Variants in CFAP90 observed in about 807,000 individuals in gnomAD.
CFAP90 encodes the protein cilia- and flagella-associated protein 90.
chr5:7,847,967 A>G, the CFAP90 span, among the ~76,000 whole-genome samples: 3 of 152,142 alleles, frequency 2.0e-5, no homozygotes, highest in Non-Finnish European at 4.4e-5. Flanking sequence ...AGCCAGATGA[A>G]TTTTATTTCC....
chr5:7,841,060 T>G, the CFAP90 span, among the ~76,000 whole-genome samples: 1 of 151,944 alleles, frequency 6.6e-6, no homozygotes, highest in Non-Finnish European at 1.5e-5. Context: ...ACAGACAACC[T>G]ACAGAATGGG....
the CFAP90 span, chr5:7,830,526 C>T: frequency 6.6e-6 from 1 of 151,728 alleles, no homozygotes; most frequent in African/African-American, 2.4e-5. Context: ...TATAATGCAC[C>T]CAAAGGCATT....
At chr5:7,843,368 G>T in the CFAP90 span, among the ~76,000 whole-genome samples, 7 of 152,100 alleles carry the variant, frequency 4.6e-5, no homozygotes, top group South Asian at 2.1e-4. Context: ...TTGGGTTTTT[G>T]ATTTTTCCTG....
At chr5:7,841,574 C>G in the CFAP90 span, among the ~76,000 whole-genome samples, 1 of 152,118 alleles carries the variant, frequency 6.6e-6, no homozygotes, top group Non-Finnish European at 1.5e-5. Context: ...TGGAGTCAAC[C>G]TAAATGCCCA....
the CFAP90 span, among the ~76,000 whole-genome samples, chr5:7,836,793 G>T: frequency 6.6e-6 from 1 of 152,138 alleles, no homozygotes; most frequent in African/African-American, 2.4e-5. Flanking sequence ...CTTCCTTGGT[G>T]AGTCTAGACT....
the CFAP90 span, among the ~76,000 whole-genome samples, chr5:7,848,419 G>A: frequency 1.3e-5 from 2 of 152,168 alleles, no homozygotes; most frequent in African/African-American, 4.8e-5. Flanking sequence ...TGAGGTTTAT[G>A]GCTGCCGTAT....
chr5:7,842,443 C>T, the CFAP90 span, among the ~76,000 whole-genome samples: 1 of 151,772 alleles, frequency 6.6e-6, no homozygotes, highest in Non-Finnish European at 1.5e-5. Flanking sequence ...CAGTTTGCCC[C>T]ACAAGTAGGC....
the CFAP90 span, chr5:7,851,021 T>C: frequency 8.0e-7 from 1 of 1,253,796 alleles, no homozygotes; most frequent in Non-Finnish European, 1.0e-6. Context: ...TCGTCCTCCA[T>C]GCCGCCACCG....
chr5:7,840,923 C>T, the CFAP90 span, among the ~76,000 whole-genome samples: 1 of 152,144 alleles, frequency 6.6e-6, no homozygotes, highest in Non-Finnish European at 1.5e-5. Context: ...AGGCCTGGAA[C>T]AGAGCCTTCC....
At chr5:7,836,179 G>A in the CFAP90 span, among the ~76,000 whole-genome samples, 1 of 152,196 alleles carries the variant, frequency 6.6e-6, no homozygotes. Flanking sequence ...AATTTGGGGA[G>A]ACACAAACAT....
chr5:7,831,791 C>T, the CFAP90 span: 1 of 1,526,270 alleles, frequency 6.6e-7, no homozygotes, highest in Non-Finnish European at 9.0e-7. Context: ...CACCTTCTCG[C>T]TGTGCAAACT....
At chr5:7,849,976 G>A in the CFAP90 span, among the ~76,000 whole-genome samples, 1 of 151,964 alleles carries the variant, frequency 6.6e-6, no homozygotes, top group Non-Finnish European at 1.5e-5. Flanking sequence ...CCAGACCCTG[G>A]GCAGAAAGAG....
the CFAP90 span, chr5:7,832,053 TAGTC>T: frequency 1.0e-5 from 16 of 1,597,346 alleles, no homozygotes; most frequent in East Asian, 2.0e-4. Context: ...TCAAAGCACA[TAGTC>T]AGCACCACTG....
the CFAP90 span, chr5:7,831,789 C>T: frequency 4.5e-5 from 69 of 1,517,296 alleles, no homozygotes; most frequent in Admixed American, 7.2e-5. Context: ...GCCACCTTCT[C>T]GCTGTGCAAA....
chr5:7,847,736 C>T, the CFAP90 span, among the ~76,000 whole-genome samples: 1 of 152,224 alleles, frequency 6.6e-6, no homozygotes, highest in African/African-American at 2.4e-5. Flanking sequence ...CTTCAGGCAT[C>T]TCTCTGCCCT....
chr5:7,839,384 T>C, the CFAP90 span, among the ~76,000 whole-genome samples: 1 of 152,222 alleles, frequency 6.6e-6, no homozygotes, highest in Admixed American at 6.5e-5. Flanking sequence ...TATTTTCTTC[T>C]GCACAGTGCT....
the CFAP90 span, among the ~76,000 whole-genome samples, chr5:7,839,074 T>C: frequency 2.6e-5 from 4 of 152,212 alleles, no homozygotes; most frequent in Non-Finnish European, 5.9e-5. Context: ...AAGGCACTTC[T>C]TACATGGTGG....
At chr5:7,837,277 C>A in the CFAP90 span, among the ~76,000 whole-genome samples, 1 of 152,076 alleles carries the variant, frequency 6.6e-6, no homozygotes, top group Admixed American at 6.5e-5. Flanking sequence ...AAAAAGAATG[C>A]ATGTGTTAGC....
chr5:7,843,690 C>T, the CFAP90 span, among the ~76,000 whole-genome samples: 1 of 152,110 alleles, frequency 6.6e-6, no homozygotes, highest in African/African-American at 2.4e-5. Context: ...GAAGAAACAG[C>T]GATCCACAGG....
Sources: allele counts gnomAD v4.1 joint callset (sites outside exome capture counted in the v4.1 genomes callset), GRCh38; gene constraint gnomAD v4.1.1; transcripts MANE v1.5; gene names NCBI Gene and HGNC (gene_info 2026-07-23, HGNC 2026-07-21).